The following DDX60L variants were observed in gnomAD, a reference collection of about 807,000 sequenced individuals.
DDX60L encodes probable ATP-dependent RNA helicase DDX60-like.
In DDX60L, 191 loss-of-function variants were observed where a neutral mutation model predicts 211.6. The ratio of observed to expected loss-of-function variants is 0.90; its 90% CI spans 0.80 to 1.02. The LOEUF is 1.02. DDX60L is among the 50% of genes least tolerant of loss of function. DDX60L has a pLI of 0.00. For missense variants in DDX60L, 2,007 were observed against 1,984.1 expected (o/e 1.01, Z -0.22); for synonymous variants, 706 against 694.1 (o/e 1.02, Z -0.27).
chr4:168,416,238 T>C (rs1749544175), intron 20 of DDX60L, among the ~76,000 whole-genome samples: 1 of 152,206 alleles, frequency 6.6e-6, no homozygotes, highest in African/African-American at 2.4e-5. Flanking sequence ...GTTATTTCCA[T>C]TTTAGCTTTA....
intron 22 of DDX60L, among the ~76,000 whole-genome samples, chr4:168,412,512 A>G (rs995032810): frequency 6.9e-4 from 104 of 151,180 alleles, no homozygotes; most frequent in African/African-American, 2.0e-3. Flanking sequence ...TACTTGTGGG[A>G]AAAAAAAAGG....
rs763495955 is a variant in DDX60L, at chr4:168,471,893, C to G, written c.118G>C (p.Val40Leu). 1 of 1,608,276 alleles carries G rather than the reference C, an allele frequency of 6.2e-7. No homozygotes were observed. The highest frequency in any genetic ancestry group is 1.7e-5 in the Admixed American group (1 of 58,150). Residue 40 changes from valine (V) to leucine (L), a missense_variant, in exon 4 of 38, where the codon GTG becomes CTG. Coordinates refer to ENST00000682922, the MANE Select transcript of DDX60L (RefSeq NM_001012967.3). ...LNDFVESNFFVIDGDSLLVTC... is the reference protein window; with the variant it reads ...LNDFVESNFFLIDGDSLLVTC... ...ACAAGCAAGGAATCTCCATCAATCACAAAAAAATTAGATTCCACAAAATCA... is the reference window on the plus strand; with the variant it reads ...ACAAGCAAGGAATCTCCATCAATCAGAAAAAAATTAGATTCCACAAAATCA...
chr4:168,412,154 C>T (rs1022974031), intron 22 of DDX60L, among the ~76,000 whole-genome samples: 2 of 151,590 alleles, frequency 1.3e-5, no homozygotes, highest in African/African-American at 4.9e-5. Flanking sequence ...GACCCAGCAC[C>T]TTCCTAGCTG....
At chr4:168,395,559 A>G (rs139327019) in intron 27 of DDX60L, among the ~76,000 whole-genome samples, 1,552 of 152,326 alleles carry the variant, frequency 0.01, 30 homozygotes, top group African/African-American at 0.034. Context: ...GGATATTTCA[A>G]TATCTGTTTA....
At chr4:168,475,642 A>C (rs1759372486) in intron 1 of DDX60L, among the ~76,000 whole-genome samples, 1 of 129,836 alleles carries the variant, frequency 7.7e-6, no homozygotes, top group South Asian at 2.5e-4. Flanking sequence ...TGCTATTATT[A>C]TCATTTATAA....
chr4:168,454,473 C>T (rs1056199899), intron 7 of DDX60L, among the ~76,000 whole-genome samples: 2 of 152,208 alleles, frequency 1.3e-5, no homozygotes, highest in African/African-American at 2.4e-5. Flanking sequence ...TCTGGAAAAA[C>T]GTGAAATATC....
chr4:168,430,098 C>T (rs1232395206), intron 13 of DDX60L, among the ~76,000 whole-genome samples: 1 of 152,072 alleles, frequency 6.6e-6, no homozygotes, highest in African/African-American at 2.4e-5. Context: ...ACTTGGGAGG[C>T]TGAGGAAGAA....
intron 13 of DDX60L, among the ~76,000 whole-genome samples, chr4:168,428,979 CT>C (rs1488674703): frequency 1.3e-5 from 2 of 152,022 alleles, no homozygotes; most frequent in Non-Finnish European, 2.9e-5. Flanking sequence ...CTGGTCTTAC[CT>C]TTAATATAAA....
chr4:168,439,842 G>A (rs139665060), intron 10 of DDX60L, among the ~76,000 whole-genome samples: 27 of 152,068 alleles, frequency 1.8e-4, no homozygotes, highest in African/African-American at 6.3e-4. Flanking sequence ...GAGAACAGAG[G>A]GTGAAGAAAT....
In DDX60L at chr4:168,419,366, AT is replaced by A; in HGVS notation, c.2545del (p.Ile849SerfsTer53). The A allele has an allele frequency of 6.3e-7, 1 of 1,595,638 alleles. No individual in the cohort carries two copies. Among genetic ancestry groups the A allele is most frequent in the African/African-American group, 1.3e-5 (1 of 74,814 alleles). Reference sequence around the variant, plus strand: ...TTGGCGATGAGGAGCAAGCAACAGGATTTCAAAACATTCCGGCACTGTAATA... The same window carrying A: ...TTGGCGATGAGGAGCAAGCAACAGGATTCAAAACATTCCGGCACTGTAATA... ...VLITVPECFE[I>X]LLLAPHRQKW... is the part of the protein sequence containing the mutation. On this transcript the variant is annotated frameshift_variant, in exon 19 of 38. Coordinates refer to ENST00000682922, the MANE Select transcript of DDX60L (RefSeq NM_001012967.3). LOFTEE classifies it high-confidence loss of function.
At chr4:168,436,639 A>C (rs1467428203) in intron 10 of DDX60L, among the ~76,000 whole-genome samples, 2 of 152,212 alleles carry the variant, frequency 1.3e-5, no homozygotes, top group African/African-American at 2.4e-5. Context: ...TTGTTTGTGA[A>C]TTATAGGCAT....
At chr4:168,472,647 T>A (rs1269647344) in intron 2 of DDX60L, 49 bp downstream of exon 2, 6 of 1,607,610 alleles carry the variant, frequency 3.7e-6, no homozygotes, top group Non-Finnish European at 5.1e-6. Flanking sequence ...CTGAATATCT[T>A]ACAAGATTGT....
intron 22 of DDX60L, among the ~76,000 whole-genome samples, chr4:168,414,428 T>C (rs766512283): frequency 8.6e-5 from 13 of 151,780 alleles, no homozygotes; most frequent in Non-Finnish European, 1.9e-4. Context: ...GACAATACAA[T>C]AAGATATTAA....
intron 4 of DDX60L, chr4:168,470,834 C>A: frequency 3.8e-6 from 1 of 263,970 alleles, no homozygotes; most frequent in Non-Finnish European, 7.5e-6. Context: ...GAGCGAAACT[C>A]CATCTAAAAA....
intron 30 of DDX60L, chr4:168,380,432 C>T (rs72695128): frequency 0.035 from 5,370 of 152,518 alleles, 125 homozygotes; most frequent in Non-Finnish European, 0.051. Flanking sequence ...AGCACCTCCC[C>T]TCTACCTCTC....
rs985123828 is a variant in DDX60L, at chr4:168,368,109, C to A, written c.4928+3503G>T. Among the ~76,000 whole-genome samples the A allele has an allele frequency of 1.6e-4, 25 of 152,214 alleles. 1 individual carries two copies. Among genetic ancestry groups the A allele is most frequent in the Admixed American group, 1.6e-3 (25 of 15,288 alleles). ...TAACAAGGAGCCTAACGTTAATCCC[C>A]AAGACAACGGGGTAAATGTCTCCAG... On this transcript the variant is annotated intron_variant, in intron 36 of 37. Transcript: ENST00000682922.
chr4:168,474,667 A>C (rs1014909060), intron 1 of DDX60L, among the ~76,000 whole-genome samples: 8 of 152,120 alleles, frequency 5.3e-5, no homozygotes, highest in African/African-American at 1.9e-4. Flanking sequence ...TGAACAATAA[A>C]ACAGAATCCC....
At chr4:168,455,326 A>G (rs1756401904) in intron 7 of DDX60L, among the ~76,000 whole-genome samples, 1 of 144,872 alleles carries the variant, frequency 6.9e-6, no homozygotes, top group Non-Finnish European at 1.5e-5. Context: ...GGATGCATAT[A>G]GTAGAGCGGA....
intron 13 of DDX60L, among the ~76,000 whole-genome samples, chr4:168,428,301 A>G (rs920488248): frequency 2.6e-5 from 4 of 152,150 alleles, no homozygotes; most frequent in African/African-American, 9.7e-5. Flanking sequence ...GAGACCCAAC[A>G]GCAGTGCTAA....
Sources: gnomAD v4.1 joint callset for allele counts (sites outside exome capture counted in the v4.1 genomes callset) on GRCh38, gnomAD v4.1.1 for gene constraint, MANE v1.5 for transcripts, NCBI Gene and HGNC (gene_info 2026-07-23, HGNC 2026-07-21) for gene names.